Variants in DENND1A observed in about 807,000 individuals in gnomAD.
The protein encoded by DENND1A is DENN domain containing 1A, also known as DENN domain-containing protein 1A.
A neutral mutation model predicts 113.7 loss-of-function variants in DENND1A; 51 were observed. That is an observed-to-expected ratio of 0.45 (90% CI 0.36 to 0.57). DENND1A has a LOEUF of 0.57. Ranked by LOEUF, DENND1A falls within the 20% of genes least tolerant of loss-of-function variation. The pLI is 0.00. For missense variants in DENND1A, 1,258 were observed against 1,395.9 expected (o/e 0.90, Z 1.57); for synonymous variants, 565 against 570.8 (o/e 0.99, Z 0.14).
intron 2 of DENND1A, among the ~76,000 whole-genome samples, chr9:123,811,110 T>C (rs1836525722): frequency 6.6e-6 from 1 of 152,144 alleles, no homozygotes; most frequent in Non-Finnish European, 1.5e-5. Context: ...CTAGACCCTG[T>C]TATGCATTCA....
chr9:123,902,667 T>G (rs1851871207), intron 1 of DENND1A, among the ~76,000 whole-genome samples: 1 of 152,048 alleles, frequency 6.6e-6, no homozygotes, highest in African/African-American at 2.4e-5. Context: ...AAGACGAATA[T>G]ATTTCTGAAA....
At chr9:123,694,624 T>C (rs1339518137) in intron 5 of DENND1A, among the ~76,000 whole-genome samples, 5 of 152,230 alleles carry the variant, frequency 3.3e-5, no homozygotes, top group African/African-American at 1.2e-4. Context: ...TTCTCTTGTC[T>C]GAATGTATAG....
At chr9:123,541,638 C>G (rs561495458) in intron 13 of DENND1A, among the ~76,000 whole-genome samples, 1 of 152,318 alleles carries the variant, frequency 6.6e-6, no homozygotes, top group East Asian at 1.9e-4. Context: ...CAGGGACCAG[C>G]AAGCCAAACA....
chr9:123,892,097 A>G (rs1159953260), intron 1 of DENND1A, among the ~76,000 whole-genome samples: 1 of 152,204 alleles, frequency 6.6e-6, no homozygotes, highest in African/African-American at 2.4e-5. Context: ...GATCTGCAAG[A>G]GCCCCCTCAA....
In DENND1A at chr9:123,557,707, G is replaced by C. The variant is rs1564714942; in HGVS notation, c.868-12C>G. 3.7e-6 allele frequency: 6 copies of C among 1,613,420 alleles called. No individual in the cohort carries two copies. The highest frequency in any genetic ancestry group is 5.1e-6 in the Non-Finnish European group (6 of 1,179,606). ...TTCAGGGAAGAGATCTGGTGATGGA[G>C]AGAAGGAAAACACAGGTTGAGGACA... On this transcript the variant is annotated splice_polypyrimidine_tract_variant and intron_variant, in intron 12 of 23. Transcript: ENST00000394215.
At chr9:123,442,912 G>A (rs1362264040) in intron 18 of DENND1A, among the ~76,000 whole-genome samples, 1 of 152,168 alleles carries the variant, frequency 6.6e-6, no homozygotes, top group African/African-American at 2.4e-5. Flanking sequence ...AGGAAGCTTT[G>A]AAAAATGTCA....
intron 3 of DENND1A, among the ~76,000 whole-genome samples, chr9:123,788,016 C>G (rs372747784): frequency 6.6e-6 from 1 of 152,076 alleles, no homozygotes; most frequent in Non-Finnish European, 1.5e-5. Flanking sequence ...TGTGCCTGGA[C>G]CACTCTTTAA....
intron 5 of DENND1A, among the ~76,000 whole-genome samples, chr9:123,677,584 C>A (rs1451355564): frequency 6.6e-6 from 1 of 152,148 alleles, no homozygotes; most frequent in Non-Finnish European, 1.5e-5. Flanking sequence ...CAGGTGTGCG[C>A]CACCATGCCT....
Position 123,655,118 on chromosome 9 carries a change from T to C in DENND1A, c.508-2995A>G, listed in dbSNP as rs553925697. Reference sequence around the variant, plus strand: ...CTTCCTTGAGGACACCCGCTTACTTTTCAAGGCCCAGCTCCAATGTCACCT... The same window carrying C: ...CTTCCTTGAGGACACCCGCTTACTTCTCAAGGCCCAGCTCCAATGTCACCT... On this transcript the variant is annotated intron_variant, in intron 8 of 23. Transcript: ENST00000394215. Among the ~76,000 whole-genome samples, 6 of 152,308 alleles carry C rather than the reference T, an allele frequency of 3.9e-5. No homozygotes were observed. In the East Asian group the frequency reaches 9.6e-4, roughly 24 times the overall value.
intron 20 of DENND1A, among the ~76,000 whole-genome samples, chr9:123,407,267 C>T (rs2043942826): frequency 6.6e-6 from 1 of 152,000 alleles, no homozygotes; most frequent in African/African-American, 2.4e-5. Flanking sequence ...GGCTGCCGAC[C>T]CACCCAGAGT....
chr9:123,452,464 C>T (rs916650122), intron 16 of DENND1A, 117 bp from the exon 17 acceptor site: 49 of 805,136 alleles, frequency 6.1e-5, no homozygotes, highest in East Asian at 2.1e-4. Flanking sequence ...AAATGCACAT[C>T]GAGAAATAGG....
rs117597047 is a variant in DENND1A at position 123,457,304 on chromosome 9, G to A, written c.1186+44C>T. 4.1e-3 allele frequency: 6,060 copies of A among 1,474,366 alleles called. 208 individuals carry two copies. The East Asian group carries it at 0.085, about 21-fold the overall frequency. The allele number at this position is 1,474,366 out of a possible 1,614,324, so 91.3% of individuals were successfully genotyped here. On this transcript the variant is annotated intron_variant, in intron 15 of 23. Coordinates refer to ENST00000394215, the MANE Select transcript of DENND1A (RefSeq NM_001352964.2). ...ACTCCTTGTCAAATATGCCCTAAAT[G>A]ATAGCAGCCTGCAGCCCCGGAAGGA...
Position 123,505,251 on chromosome 9 carries a change from T to A in DENND1A, c.994-47354A>T, listed in dbSNP as rs2052822587. Among the ~76,000 whole-genome samples, 3 of 152,330 alleles carry A rather than the reference T, an allele frequency of 2.0e-5. No homozygotes were observed. The South Asian group carries it at 6.2e-4, about 32-fold the overall frequency. On this transcript the variant is annotated intron_variant, in intron 13 of 23. Coordinates refer to ENST00000394215, the MANE Select transcript of DENND1A (RefSeq NM_001352964.2). ...TCTAGGAAATGGGGCTTTATGTAAA[T>A]ATGTGATATTTTGTACAGAATCCAT...
intron 2 of DENND1A, among the ~76,000 whole-genome samples, chr9:123,797,924 C>T (rs1013970555): frequency 2.0e-5 from 3 of 151,614 alleles, no homozygotes; most frequent in Non-Finnish European, 2.9e-5. Flanking sequence ...ATTTGAAAGA[C>T]GTCTAATTCA....
At chr9:123,802,084 G>T (rs148420252) in intron 2 of DENND1A, among the ~76,000 whole-genome samples, 5 of 152,296 alleles carry the variant, frequency 3.3e-5, no homozygotes, top group Admixed American at 3.3e-4. Context: ...GCACACTCAC[G>T]TCTATGGCTC....
intron 10 of DENND1A, among the ~76,000 whole-genome samples, chr9:123,627,739 CAAAAAAA>C (rs764341977): frequency 3.5e-5 from 2 of 57,804 alleles, no homozygotes; most frequent in African/African-American, 6.4e-5. Context: ...AACTCTGTCT[CAAAAAAA>C]AAAAAAAAAA....
rs562350427 is a variant in DENND1A, at chr9:123,448,510, G to A, written c.1356+2183C>T. ...GATATTCTGATACCAACGAGCCTAC[G>A]ATCCAGGCATCAAGGAGGGAAAACT... On this transcript the variant is annotated intron_variant, in intron 18 of 23. Coordinates refer to ENST00000394215, the MANE Select transcript of DENND1A (RefSeq NM_001352964.2). 1.0e-3 allele frequency among the ~76,000 whole-genome samples: 157 copies of A among 152,258 alleles called. 1 individual carries two copies. Among genetic ancestry groups the A allele is most frequent in the African/African-American group, 3.6e-3 (151 of 41,532 alleles).
chr9:123,403,503 C>A lies in DENND1A; in HGVS notation c.1543-13G>T, dbSNP rs1564425444. On this transcript the variant is annotated splice_polypyrimidine_tract_variant and intron_variant, in intron 20 of 23. Transcript: ENST00000394215. ...GAGGTGGGCGCACCTAGAGGAGGTA[C>A]AGGGGGAGAGCCCCAAGAAGGAGTG... 1 of 1,612,588 alleles carries A rather than the reference C, an allele frequency of 6.2e-7. No individual in the cohort carries two copies. Among genetic ancestry groups the A allele is most frequent in the African/African-American group, 1.3e-5 (1 of 74,888 alleles).
chr9:123,485,637 T>TGTGTGTGTGTGCGCGG (rs1564577776), intron 13 of DENND1A: 1 of 78,164 alleles, frequency 1.3e-5, no homozygotes. Flanking sequence ...TGTGTGCGCG[T>TGTGTGTGTGTGCGCGG]ACACACACGC....
Sources: gnomAD v4.1 joint callset for allele counts (sites outside exome capture counted in the v4.1 genomes callset) on GRCh38, gnomAD v4.1.1 for gene constraint, MANE v1.5 for transcripts, NCBI Gene and HGNC (gene_info 2026-07-23, HGNC 2026-07-21) for gene names.